Variants in IQSEC3 observed in about 807,000 individuals in gnomAD.
IQSEC3 encodes IQ motif and Sec7 domain ArfGEF 3.
In IQSEC3, 50 loss-of-function variants were observed where a neutral mutation model predicts 105.4. The observed-to-expected ratio is 0.47, with a 90% CI of 0.38 to 0.60. IQSEC3 has a LOEUF of 0.60. Ranked by LOEUF, IQSEC3 falls within the 20% of genes least tolerant of loss-of-function variation. The pLI, the probability that IQSEC3 is intolerant of heterozygous loss-of-function variation, is 0.00. For synonymous variants in IQSEC3, 708 were observed against 746.0 expected (o/e 0.95, Z 0.83); for missense variants, 1,415 against 1,630.0 (o/e 0.87, Z 2.27).
chr12:106,922 A>G (rs1310550602), intron 2 of IQSEC3: 2 of 152,278 alleles, frequency 1.3e-5, no homozygotes, highest in Admixed American at 6.5e-5. Flanking sequence ...TCATCAAACC[A>G]AAAACGAAGA....
intron 1 of IQSEC3, among the ~76,000 whole-genome samples, chr12:83,297 C>T (rs975464307): frequency 2.0e-4 from 30 of 152,074 alleles, no homozygotes; most frequent in African/African-American, 4.8e-4. Flanking sequence ...CAGGGATTCG[C>T]GGTGAACAAG....
intron 12 of IQSEC3, among the ~76,000 whole-genome samples, 158 bp from the exon 13 acceptor site, chr12:170,954 T>C (rs1479339026): frequency 1.3e-5 from 2 of 152,214 alleles, no homozygotes; most frequent in African/African-American, 4.8e-5. Context: ...CCAGGTCACA[T>C]AGCTCCTAAG....
chr12:138,978 GA>G lies in IQSEC3; in HGVS notation c.1617del (p.Ala540ProfsTer58). On this transcript the variant is annotated frameshift_variant, in exon 4 of 14. Transcript: ENST00000538872. LOFTEE classifies it high-confidence loss of function. This position sits in a 1 kb window ranked among gnomAD's most constrained non-coding sequence, Gnocchi z 7.1. Reference protein sequence around the residue: ...QGETSGREAPEAPAVGREDAS... With the variant: ...QGETSGREAPXAPAVGREDAS... ...CGAGACCTCTGGGCGGGAGGCCCCGGAAGCCCCCGCCGTGGGCCGGGAGGAC... is the reference window on the plus strand; with the variant it reads ...CGAGACCTCTGGGCGGGAGGCCCCGGAGCCCCCGCCGTGGGCCGGGAGGAC... The G allele has an allele frequency of 6.5e-7, 1 of 1,540,458 alleles. No homozygotes were observed. Among genetic ancestry groups the G allele is most frequent in the Non-Finnish European group, 8.7e-7 (1 of 1,143,604 alleles).
chr12:80,231 G>A (rs993371113), intron 1 of IQSEC3, among the ~76,000 whole-genome samples: 2 of 152,302 alleles, frequency 1.3e-5, no homozygotes, highest in African/African-American at 2.4e-5. Flanking sequence ...GCAGAAATAC[G>A]ATTCGGCAAG....
intron 13 of IQSEC3, among the ~76,000 whole-genome samples, chr12:174,004 C>T (rs899037284): frequency 7.2e-5 from 11 of 152,312 alleles, no homozygotes; most frequent in African/African-American, 1.4e-4. Flanking sequence ...ACTCTGCCCT[C>T]GGCTGTCTGG....
intron 1 of IQSEC3, among the ~76,000 whole-genome samples, chr12:94,771 C>A (rs61908607): frequency 1.3e-5 from 2 of 152,368 alleles, no homozygotes; most frequent in South Asian, 4.1e-4. Context: ...GAAACAGGGG[C>A]AGGATCAGAA....
At chr12:156,800 C>G (rs1219366031) in intron 5 of IQSEC3, among the ~76,000 whole-genome samples, 1 of 152,194 alleles carries the variant, frequency 6.6e-6, no homozygotes, top group East Asian at 1.9e-4. Flanking sequence ...CCCCTGTGTC[C>G]TGGGCCACCA....
At chr12:89,144 C>T (rs1183386158) in intron 1 of IQSEC3, among the ~76,000 whole-genome samples, 1 of 152,154 alleles carries the variant, frequency 6.6e-6, no homozygotes, top group Non-Finnish European at 1.5e-5. Flanking sequence ...AGTCCTTAGG[C>T]CCAGGCCCCA....
At chr12:171,017 A>G in intron 12 of IQSEC3, 95 bp from the exon 13 acceptor site, 1 of 1,496,620 alleles carries the variant, frequency 6.7e-7, no homozygotes, top group South Asian at 1.1e-5. Flanking sequence ...TGTGACCCCA[A>G]GTCTTAGCTG....
intron 3 of IQSEC3, among the ~76,000 whole-genome samples, chr12:130,319 C>T (rs184697813): frequency 8.6e-4 from 131 of 152,294 alleles, no homozygotes; most frequent in Non-Finnish European, 1.5e-3. Flanking sequence ...TGCACAACGT[C>T]CCCGTGAGAT....
chr12:143,516 C>T (rs1032204194), intron 5 of IQSEC3: 1 of 155,028 alleles, frequency 6.5e-6, no homozygotes, highest in Non-Finnish European at 1.4e-5. Flanking sequence ...GCCCTAAACA[C>T]TGGGGCATGA....
chr12:69,453 C>T (rs1555066892), intron 1 of IQSEC3, among the ~76,000 whole-genome samples: 1 of 152,264 alleles, frequency 6.6e-6, no homozygotes, highest in African/African-American at 2.4e-5. Context: ...CCTGCTTTTG[C>T]TTCCCAAAGG....
At chr12:167,914 A>G (rs1938757195) in intron 11 of IQSEC3, among the ~76,000 whole-genome samples, 1 of 152,214 alleles carries the variant, frequency 6.6e-6, no homozygotes, top group South Asian at 2.1e-4. Context: ...TTATCAGGCT[A>G]ATTTCTCCAA....
chr12:171,464 T>C, intron 13 of IQSEC3: 1 of 704,140 alleles, frequency 1.4e-6, no homozygotes, highest in Non-Finnish European at 2.4e-6. Context: ...ATCCTTCCTG[T>C]GTGCCCCCAA....
rs782790540 is a variant in IQSEC3 at position 139,117 on chromosome 12, G to T, written c.1754G>T (p.Arg585Ile). Residue 585 changes from arginine to isoleucine, a missense_variant, in exon 4 of 14, where the codon AGA (arginine) becomes ATA (isoleucine). By Grantham distance (97) the Arg-to-Ile change is moderately conservative (BLOSUM62 -3). Around this residue, in one of 6 missense-constraint regions of IQSEC3, gnomAD observed 720 missense variants for 633.0 expected, o/e 1.14. Transcript: ENST00000538872. ...EEEEETAEVG[R>I]GAEAEAGDLE... ...GAGGAGGAGACGGCGGAGGTGGGGA[G>T]AGGGGCCGAGGCCGAGGCAGGCGAC... 4.6e-6 allele frequency: 7 copies of T among 1,511,956 alleles called. No individual in the cohort carries two copies. The highest frequency in any genetic ancestry group is 5.3e-6 in the Non-Finnish European group (6 of 1,128,318). 93.7% of individuals were successfully genotyped at this position (1,511,956 alleles called of 1,614,324 possible). A position where few individuals can be genotyped will look rare whatever the true frequency, so the allele number is the denominator to read the frequency against.
chr12:141,519 G>A (rs1175128112), intron 5 of IQSEC3: 2 of 496,280 alleles, frequency 4.0e-6, no homozygotes, highest in Non-Finnish European at 7.1e-6. Context: ...GTTTGAGGCA[G>A]CAGGGATACA....
chr12:166,062 C>A, intron 11 of IQSEC3, 172 bp downstream of exon 11: 1 of 652,942 alleles, frequency 1.5e-6, no homozygotes, highest in Non-Finnish European at 2.6e-6. Flanking sequence ...CACCGGTTCC[C>A]ATGTTTCTTC....
At chr12:96,419 C>T (rs1199599856) in intron 1 of IQSEC3, among the ~76,000 whole-genome samples, 1 of 152,136 alleles carries the variant, frequency 6.6e-6, no homozygotes, top group African/African-American at 2.4e-5. Context: ...CTGATTTTCT[C>T]CTGGATCAGG....
At chr12:140,445 T>C (rs539930154) in intron 4 of IQSEC3, 14 of 152,196 alleles carry the variant, frequency 9.2e-5, no homozygotes, top group Admixed American at 6.5e-5. Flanking sequence ...TGAAAACTCA[T>C]ACAGACACTC....
Sources: allele counts gnomAD v4.1 joint callset (sites outside exome capture counted in the v4.1 genomes callset), GRCh38; gene constraint gnomAD v4.1.1; regional missense constraint gnomAD v4.1.1; non-coding constraint Gnocchi (gnomAD v3.1); transcripts MANE v1.5; gene names NCBI Gene and HGNC (gene_info 2026-07-23, HGNC 2026-07-21).